Variants in PRDM14 observed in about 807,000 individuals in gnomAD.
PRDM14 encodes the protein PR/SET domain 14.
PRDM14 carries 16 observed loss-of-function variants against 48.0 expected under a neutral mutation model. The observed-to-expected ratio is 0.33, with a 90% CI of 0.23 to 0.51. The LOEUF is 0.51. PRDM14 is among the 20% of genes least tolerant of loss of function. PRDM14 has a pLI of 0.97. For synonymous variants in PRDM14, 264 were observed against 276.6 expected, an observed-to-expected ratio of 0.95 and a Z score of 0.45; for missense variants, 566 against 719.6, an observed-to-expected ratio of 0.79 and a Z score of 2.44.
chr8:70,059,874 A>T (rs187777167), intron 5 of PRDM14, among the ~76,000 whole-genome samples: 2 of 150,572 alleles, frequency 1.3e-5, no homozygotes, highest in East Asian at 4.0e-4. Flanking sequence ...CAGGTGGATC[A>T]CCTGAGGTCA....
At chr8:70,060,413 A>AG (rs1805557488) in intron 5 of PRDM14, among the ~76,000 whole-genome samples, 2 of 138,844 alleles carry the variant, frequency 1.4e-5, no homozygotes, top group African/African-American at 6.1e-5. Context: ...AAAAAAAAAA[A>AG]ACATAACCAT....
At chr8:70,070,544 C>G (rs1386527779) in intron 1 of PRDM14, among the ~76,000 whole-genome samples, 1 of 152,198 alleles carries the variant, frequency 6.6e-6, no homozygotes, top group South Asian at 2.1e-4. Context: ...CCTGACTGCC[C>G]GCAGGGGAGG....
intron 5 of PRDM14, among the ~76,000 whole-genome samples, chr8:70,062,613 G>A (rs1000691120): frequency 4.6e-5 from 7 of 151,636 alleles, no homozygotes; most frequent in African/African-American, 1.5e-4. Flanking sequence ...ACAGGCATCT[G>A]CCACCATGCC....
intron 1 of PRDM14, among the ~76,000 whole-genome samples, chr8:70,070,119 C>T (rs1399250264): frequency 2.0e-5 from 3 of 152,228 alleles, no homozygotes; most frequent in African/African-American, 7.2e-5. Flanking sequence ...CTGCCCTACT[C>T]TAAATTCCGG....
chr8:70,069,516 C>T lies in PRDM14; in HGVS notation c.345G>A (p.Leu115=), dbSNP rs1054871652. ...PHVPREVPPF[L]SSSHEYAGAS... ...CACCCGCGTACTCGTGGCTGCTGCTCAGGAAGGGCGGCACTTCCCTGGGGA... is the reference window on the plus strand; with the variant it reads ...CACCCGCGTACTCGTGGCTGCTGCTTAGGAAGGGCGGCACTTCCCTGGGGA... The change falls in exon 2 of 8, where the codon CTG becomes CTA. Residue 115 remains leucine (L), a synonymous_variant. Transcript: ENST00000276594. 3.7e-6 allele frequency: 6 copies of T among 1,601,812 alleles called. No individual in the cohort carries two copies. The highest frequency in any genetic ancestry group is 3.4e-5 in the Admixed American group (2 of 59,290).
intron 7 of PRDM14, among the ~76,000 whole-genome samples, chr8:70,053,384 A>ATTTGTTTG (rs36192946): frequency 6.6e-6 from 1 of 150,408 alleles, no homozygotes; most frequent in African/African-American, 2.5e-5. Flanking sequence ...GGTTTGTTTT[A>ATTTGTTTG]TTTGTTTGTT....
chr8:70,055,494 T>C, intron 6 of PRDM14, 93 bp from the exon 7 acceptor site: 2 of 621,506 alleles, frequency 3.2e-6, no homozygotes, highest in Non-Finnish European at 5.6e-6. Context: ...AGAAGAACTC[T>C]TTTCCAATTT....
At chr8:70,065,778 T>C (rs1805658086) in intron 5 of PRDM14, among the ~76,000 whole-genome samples, 1 of 133,036 alleles carries the variant, frequency 7.5e-6, no homozygotes, top group African/African-American at 2.8e-5. Flanking sequence ...CTCTATACTT[T>C]TTTTTTTTTT....
In PRDM14 at chr8:70,057,182, G is replaced by T. The variant is rs1015524449; in HGVS notation, c.1386+1458C>A. 6.6e-5 allele frequency among the ~76,000 whole-genome samples: 10 copies of T among 152,018 alleles called. 1 individual carries two copies. Among genetic ancestry groups the T allele is most frequent in the South Asian group, 6.2e-4 (3 of 4,822 alleles). On this transcript the variant is annotated intron_variant, in intron 6 of 7. Coordinates refer to ENST00000276594, the MANE Select transcript of PRDM14 (RefSeq NM_024504.4). ...GGGTTTCACCATGTTAGCCACGATG[G>T]TCTTGATCTCCTGACCTCGTGATCC... is the stretch of plus-strand genomic sequence containing the variant.
At position 70,056,515 on chromosome 8, in the gene PRDM14, T is replaced by C. The variant is rs903469143; in HGVS notation, c.1387-1114A>G. ...ATTTATTTTTGAGGCAGAGCCTCGCTCTGTTGCCCAGGCTGGAGTGCAGTA... is the reference window on the plus strand; with the variant it reads ...ATTTATTTTTGAGGCAGAGCCTCGCCCTGTTGCCCAGGCTGGAGTGCAGTA... On this transcript the variant is annotated intron_variant, in intron 6 of 7. Transcript: ENST00000276594. Among the ~76,000 whole-genome samples, 7 of 152,272 alleles carry C rather than the reference T, an allele frequency of 4.6e-5. No homozygotes were observed. The East Asian group carries it at 1.4e-3, about 30-fold the overall frequency.
At chr8:70,060,940 G>C (rs1156437888) in intron 5 of PRDM14, among the ~76,000 whole-genome samples, 1 of 152,204 alleles carries the variant, frequency 6.6e-6, no homozygotes, top group Non-Finnish European at 1.5e-5. Flanking sequence ...GAATCTTTAT[G>C]TATAGAGTAA....
At position 70,069,505 on chromosome 8, in the gene PRDM14, T is replaced by C. The variant is rs545266443; in HGVS notation, c.356A>G (p.His119Arg). Residue 119 changes from histidine to arginine, a missense_variant, in exon 2 of 8, where the codon CAC becomes CGC. Coordinates refer to ENST00000276594, the MANE Select transcript of PRDM14 (RefSeq NM_024504.4). ...TTCACTGCTGGCACCCGCGTACTCG[T>C]GGCTGCTGCTCAGGAAGGGCGGCAC... is the stretch of plus-strand genomic sequence containing the variant. ...REVPPFLSSS[H>R]EYAGASSEDL... 1 of 1,594,822 alleles carries C rather than the reference T, an allele frequency of 6.3e-7. No homozygotes were observed. The highest frequency in any genetic ancestry group is 1.7e-5 in the Admixed American group (1 of 58,504).
chr8:70,069,302 G>T lies in PRDM14; in HGVS notation c.559C>A (p.Gln187Lys). 6 of 1,611,698 alleles carry T rather than the reference G, an allele frequency of 3.7e-6. No homozygotes were observed. The highest frequency in any genetic ancestry group is 5.1e-6 in the Non-Finnish European group (6 of 1,178,854). The change falls in exon 2 of 8, where the codon CAA becomes AAA. Residue 187 changes from glutamine to lysine, a missense_variant. By Grantham distance (53) the Gln-to-Lys change is moderately conservative. Transcript: ENST00000276594. ...AACCGAGCAGGGGACTTCCCTTCTT[G>T]GTTGGAGGGTTTGGGACCATCCTCT... is the stretch of plus-strand genomic sequence containing the variant. ...QSEDGPKPSN[Q>K]EGKSPARFQF...
chr8:70,053,256 GAGAAGCTAATATCGACC>G (rs999123808), intron 7 of PRDM14, among the ~76,000 whole-genome samples: 2 of 152,238 alleles, frequency 1.3e-5, no homozygotes, highest in East Asian at 3.9e-4. Context: ...ATTACAGAAA[GAGAAGCTAATATCGACC>G]AGAAGCTAAT....
Position 70,069,303 on chromosome 8 carries a change from G to A in PRDM14, c.558C>T (p.Asn186=), listed in dbSNP as rs377643048. ...KQSEDGPKPS[N]QEGKSPARFQ... ...ACCGAGCAGGGGACTTCCCTTCTTG[G>A]TTGGAGGGTTTGGGACCATCCTCTG... The change falls in exon 2 of 8, where the codon AAC becomes AAT. Residue 186 remains asparagine, a synonymous_variant. Coordinates refer to ENST00000276594, the MANE Select transcript of PRDM14 (RefSeq NM_024504.4). 2.7e-5 allele frequency: 43 copies of A among 1,611,698 alleles called. No homozygotes were observed. The highest frequency in any genetic ancestry group is 3.6e-5 in the Non-Finnish European group (43 of 1,178,892).
intron 5 of PRDM14, among the ~76,000 whole-genome samples, chr8:70,060,630 C>T (rs1329827302): frequency 2.0e-5 from 3 of 152,194 alleles, no homozygotes; most frequent in Non-Finnish European, 4.4e-5. Context: ...TATAGGCTCT[C>T]TTTCCCTTTT....
chr8:70,064,523 C>CTTTTTT (rs1170368852), intron 5 of PRDM14, among the ~76,000 whole-genome samples: 2 of 136,174 alleles, frequency 1.5e-5, no homozygotes, highest in Non-Finnish European at 3.2e-5. Flanking sequence ...ATGCAATTTA[C>CTTTTTT]TTTTTTTTTT....
chr8:70,058,609 A>AGAGAGAGCT, intron 6 of PRDM14, 31 bp downstream of exon 6: 1 of 1,593,300 alleles, frequency 6.3e-7, no homozygotes, highest in Non-Finnish European at 8.6e-7. Context: ...AGAGAACGTG[A>AGAGAGAGCT]TGGTGGGTCA....
intron 5 of PRDM14, among the ~76,000 whole-genome samples, chr8:70,059,533 G>A (rs1805541014): frequency 6.6e-6 from 1 of 152,030 alleles, no homozygotes; most frequent in Non-Finnish European, 1.5e-5. Context: ...GCCTCCCAAA[G>A]TGCTGGGATT....
Sources: gnomAD v4.1 joint callset for allele counts (sites outside exome capture counted in the v4.1 genomes callset) on GRCh38, gnomAD v4.1.1 for gene constraint, MANE v1.5 for transcripts, NCBI Gene and HGNC (gene_info 2026-07-23, HGNC 2026-07-21) for gene names.